The following ATL3 variants were observed in gnomAD, a reference collection of about 807,000 sequenced individuals.
ATL3 encodes the protein atlastin GTPase 3.
A neutral mutation model predicts 69.5 loss-of-function variants in ATL3; 49 were observed. The ratio of observed to expected loss-of-function variants is 0.71; its 90% CI spans 0.56 to 0.89. The LOEUF (loss-of-function observed/expected upper bound fraction) is 0.89. ATL3 is among the 40% of genes least tolerant of loss of function. The pLI is 0.00. For synonymous variants in ATL3, 214 were observed against 224.1 expected (o/e 0.95, Z 0.40); for missense variants, 606 against 645.7 (o/e 0.94, Z 0.67).
upstream of ATL3, chr11:63,671,549 G>T: frequency 1.4e-6 from 2 of 1,418,842 alleles, no homozygotes; most frequent in South Asian, 1.5e-5. Flanking sequence ...AGCGCAGGAC[G>T]AGGCTAGGCG....
intron 1 of ATL3, among the ~76,000 whole-genome samples, chr11:63,659,711 G>A (rs1018400909): frequency 2.6e-5 from 4 of 152,228 alleles, no homozygotes; most frequent in Middle Eastern, 6.8e-3. Context: ...GAGGTGGGTG[G>A]ATCACTTGAG....
chr11:63,653,296 G>A (rs916084532), intron 3 of ATL3, among the ~76,000 whole-genome samples: 9 of 152,094 alleles, frequency 5.9e-5, no homozygotes, highest in African/African-American at 1.9e-4. Flanking sequence ...GCAAAATCCC[G>A]TCTCTACTAA....
At chr11:63,643,902 C>T (rs753530043) in intron 7 of ATL3, among the ~76,000 whole-genome samples, 1 of 152,108 alleles carries the variant, frequency 6.6e-6, no homozygotes, top group Non-Finnish European at 1.5e-5. Context: ...TCTAAAGACA[C>T]ATATAGAACT....
chr11:63,639,794 C>T (rs1939631119), intron 8 of ATL3, among the ~76,000 whole-genome samples: 1 of 152,056 alleles, frequency 6.6e-6, no homozygotes, highest in Admixed American at 6.6e-5. Flanking sequence ...TACATGAATG[C>T]ATACAAATTT....
At chr11:63,668,348 TTCCTTC>T (rs754447190) in intron 1 of ATL3, among the ~76,000 whole-genome samples, 10 of 152,206 alleles carry the variant, frequency 6.6e-5, no homozygotes, top group Non-Finnish European at 1.2e-4. Flanking sequence ...CTGGGTGTGG[TTCCTTC>T]TGGTGGTGGA....
intron 1 of ATL3, among the ~76,000 whole-genome samples, chr11:63,670,982 C>G (rs962943511): frequency 5.3e-5 from 8 of 152,130 alleles, no homozygotes; most frequent in African/African-American, 1.9e-4. Context: ...GGCCCTTGGG[C>G]CGCCCAGGGG....
rs959447388 is a variant in ATL3 at position 63,664,991 on chromosome 11, A to G, written c.47-5739T>C. ...CAAAGGATCCAAGTGGCATTGTCAG[A>G]GCAGTAGACATGGAAGATAAAGTTA... On this transcript the variant is annotated intron_variant, in intron 1 of 12. Coordinates refer to ENST00000398868, the MANE Select transcript of ATL3 (RefSeq NM_015459.5). 7.2e-5 allele frequency among the ~76,000 whole-genome samples: 11 copies of G among 152,334 alleles called. No individual in the cohort carries two copies. In the East Asian group the frequency reaches 1.9e-3, roughly 27 times the overall value.
intron 8 of ATL3, among the ~76,000 whole-genome samples, chr11:63,638,154 A>G (rs971927498): frequency 6.6e-6 from 1 of 152,194 alleles, no homozygotes; most frequent in South Asian, 2.1e-4. Flanking sequence ...TATGCTACTC[A>G]TGTTTCTATG....
rs1352358133 is a variant in ATL3 at position 63,626,224 on chromosome 11, A to G, written c.*3095T>C. 6.6e-6 allele frequency: 1 copy of G among 152,220 alleles called. No individual in the cohort carries two copies. Among genetic ancestry groups the G allele is most frequent in the Non-Finnish European group, 1.5e-5 (1 of 68,120 alleles). 9.4% of individuals were successfully genotyped at this position (152,220 alleles called of 1,614,324 possible). ...GCAAAACCCCACCTCTAGTAAAAAA[A>G]CAAAAATTAGCCAGGCGTGGTGGTG... On this transcript the variant is annotated 3_prime_UTR_variant, in exon 13 of 13. Coordinates refer to ENST00000398868, the MANE Select transcript of ATL3 (RefSeq NM_015459.5).
intron 3 of ATL3, among the ~76,000 whole-genome samples, chr11:63,656,347 T>G (rs1028219885): frequency 6.6e-6 from 1 of 152,062 alleles, no homozygotes; most frequent in Admixed American, 6.6e-5. Context: ...AAATAAAATT[T>G]TTTTTAATTT....
Position 63,668,541 on chromosome 11 carries a change from C to A in ATL3, c.46+2749G>T, listed in dbSNP as rs75131040. On this transcript the variant is annotated intron_variant, in intron 1 of 12. Transcript: ENST00000398868. ...AATCTTTTCGCCATAGCACAGAAGG[C>A]TGAACAAAACCATATTTTTTGTTGT... Among the ~76,000 whole-genome samples, 1,254 of 152,244 alleles carry A rather than the reference C, an allele frequency of 8.2e-3. 19 individuals are homozygous for A. The highest frequency in any genetic ancestry group is 0.028 in the African/African-American group (1,155 of 41,538).
At chr11:63,651,549 C>T (rs765859025) in intron 5 of ATL3, among the ~76,000 whole-genome samples, 1 of 152,192 alleles carries the variant, frequency 6.6e-6, no homozygotes, top group African/African-American at 2.4e-5. Flanking sequence ...ACCTCACTGC[C>T]TCTCTGACTT....
At chr11:63,640,842 T>C (rs573132878) in intron 8 of ATL3, among the ~76,000 whole-genome samples, 29 of 152,236 alleles carry the variant, frequency 1.9e-4, no homozygotes, top group African/African-American at 6.7e-4. Flanking sequence ...CCTCAGGTGA[T>C]TCGTCCACCT....
chr11:63,639,697 G>A (rs528038025), intron 8 of ATL3, among the ~76,000 whole-genome samples: 1 of 152,302 alleles, frequency 6.6e-6, no homozygotes, highest in East Asian at 1.9e-4. Flanking sequence ...AGAGGCTACA[G>A]TGAGCTACAA....
Position 63,625,811 on chromosome 11 carries a change from G to T in ATL3, c.*3508C>A, listed in dbSNP as rs1007579301. 1 of 151,732 alleles carries T rather than the reference G, an allele frequency of 6.6e-6. No individual in the cohort carries two copies. Among genetic ancestry groups the T allele is most frequent in the African/African-American group, 2.4e-5 (1 of 41,248 alleles). The allele number at this position is 151,732 out of a possible 1,614,324, so 9.4% of individuals were successfully genotyped here. A position where few individuals can be genotyped will look rare whatever the true frequency, so the allele number is the denominator to read the frequency against. On this transcript the variant is annotated 3_prime_UTR_variant, in exon 13 of 13. Coordinates refer to ENST00000398868, the MANE Select transcript of ATL3 (RefSeq NM_015459.5). ...AGCCTGGTCAACATGGCGAAGCCCT[G>T]TCTCTACTAAAAATACAAAAATAAG...
Position 63,658,801 on chromosome 11 carries a change from C to T in ATL3, c.365G>A (p.Trp122Ter). The T allele has an allele frequency of 6.2e-7, 1 of 1,611,882 alleles. No individual in the cohort carries two copies. The highest frequency in any genetic ancestry group is 1.3e-5 in the African/African-American group (1 of 74,974). The change falls in exon 3 of 13, where the codon TGG becomes TAG. Residue 122 changes from tryptophan to a stop codon, truncating the protein, a stop_gained. Transcript: ENST00000398868. LOFTEE classifies it high-confidence loss of function. ...SDPETTGIQI[W>*]SEVFTVEKPG... is the part of the protein sequence containing the mutation. ...CTTCTCCACAGTGAAAACTTCACTC[C>T]AGATTTGAATCCCAGTGGTTTCTGG... is the stretch of plus-strand genomic sequence containing the variant.
chr11:63,647,754 C>T (rs1325014099), intron 5 of ATL3, among the ~76,000 whole-genome samples: 2 of 152,072 alleles, frequency 1.3e-5, no homozygotes, highest in Non-Finnish European at 2.9e-5. Context: ...AAAAGCATAA[C>T]AAAACAAACT....
intron 3 of ATL3, among the ~76,000 whole-genome samples, chr11:63,656,724 T>A (rs1590740157): frequency 8.0e-6 from 1 of 125,512 alleles, no homozygotes; most frequent in African/African-American, 3.1e-5. Flanking sequence ...ACAGAGAGAC[T>A]CCCTCTCAAA....
upstream of ATL3, chr11:63,671,472 C>G (rs1049585517): frequency 6.8e-7 from 1 of 1,469,528 alleles, no homozygotes; most frequent in African/African-American, 1.5e-5. Context: ...AGGTGGGGCA[C>G]GCGGAGCCGC....
Sources: allele counts gnomAD v4.1 joint callset (sites outside exome capture counted in the v4.1 genomes callset), GRCh38; gene constraint gnomAD v4.1.1; transcripts MANE v1.5; gene names NCBI Gene and HGNC (gene_info 2026-07-23, HGNC 2026-07-21).